Variants in KIF13A observed in about 807,000 individuals in gnomAD.
KIF13A encodes the protein kinesin-like protein KIF13A.
In KIF13A, 79 loss-of-function variants were observed where a neutral mutation model predicts 212.2. The ratio of observed to expected loss-of-function variants is 0.37; its 90% CI spans 0.31 to 0.45. The LOEUF is 0.45. Ranked by LOEUF, KIF13A falls within the 20% of genes least tolerant of loss-of-function variation. KIF13A has a pLI of 1.00. For missense variants in KIF13A, 1,901 were observed against 2,209.0 expected (o/e 0.86, Z 2.79); for synonymous variants, 789 against 808.6 (o/e 0.98, Z 0.41).
In KIF13A at chr6:17,809,862, C is replaced by G. The variant is rs1344826385; in HGVS notation, c.2001-932G>C. Among the ~76,000 whole-genome samples, 1 of 152,190 alleles carries G rather than the reference C, an allele frequency of 6.6e-6. No homozygotes were observed. The highest frequency in any genetic ancestry group is 1.9e-4 in the East Asian group (1 of 5,194). ...TCAAAGCACCTAAATCTCTACTCCT[C>G]ACTCGTCACCTTAGAAATGACAGAA... On this transcript the variant is annotated intron_variant, in intron 17 of 38. Transcript: ENST00000259711. This position sits in a 1 kb window ranked among gnomAD's most constrained non-coding sequence, Gnocchi z 4.7.
chr6:17,848,558 C>CTTTTTTT (rs66477046), intron 9 of KIF13A, among the ~76,000 whole-genome samples: 4 of 68,856 alleles, frequency 5.8e-5, no homozygotes, highest in African/African-American at 1.1e-4. Flanking sequence ...ACTCGTACAT[C>CTTTTTTT]TTTTTTTTTT....
chr6:17,908,184 C>T (rs1324331594), intron 2 of KIF13A, among the ~76,000 whole-genome samples: 1 of 152,214 alleles, frequency 6.6e-6, no homozygotes, highest in Non-Finnish European at 1.5e-5. Context: ...GACTGCCCCA[C>T]AGTGTGAAGG....
intron 16 of KIF13A, among the ~76,000 whole-genome samples, chr6:17,821,303 T>C (rs920454087): frequency 2.0e-5 from 3 of 152,204 alleles, no homozygotes; most frequent in Non-Finnish European, 2.9e-5. Flanking sequence ...TTCAAATGAA[T>C]TGGATTTTAG....
intron 2 of KIF13A, among the ~76,000 whole-genome samples, chr6:17,943,121 G>T (rs891474113): frequency 1.3e-5 from 2 of 152,098 alleles, no homozygotes; most frequent in Non-Finnish European, 2.9e-5. Context: ...GCAATCTTTA[G>T]ACTGACACAA....
rs1228838176 is a variant in KIF13A at position 17,825,827 on chromosome 6, G to A, written c.1727C>T (p.Pro576Leu). ...LDAASEASSE[P>L]DYNYEFAQME... The stretch of plus-strand genomic sequence containing the variant: ...CTGTGCAAATTCATAGTTATAGTCT[G>A]GTTCAGAGGAAGCCTCACTGGCTGC... Residue 576 changes from proline to leucine, a missense_variant, in exon 16 of 39, where the codon CCA (proline) becomes CTA (leucine). This residue lies in a region of KIF13A where 534 missense variants were observed against 536.9 expected (regional missense o/e 0.99). Transcript: ENST00000259711. The surrounding 1 kb of genome is among the most constrained non-coding windows in gnomAD (Gnocchi z 4.5). 6.2e-7 allele frequency: 1 copy of A among 1,613,972 alleles called. No individual in the cohort carries two copies.
chr6:17,964,602 G>A (rs1779132994), intron 2 of KIF13A, among the ~76,000 whole-genome samples: 1 of 152,052 alleles, frequency 6.6e-6, no homozygotes, highest in Admixed American at 6.6e-5. Context: ...AAGTGTAGGT[G>A]GAATCCTATC....
rs989697664 is a variant in KIF13A, at chr6:17,829,014, C to G, written c.1402-644G>C. Among the ~76,000 whole-genome samples the G allele has an allele frequency of 6.6e-6, 1 of 150,798 alleles. No individual in the cohort carries two copies. The highest frequency in any genetic ancestry group is 2.4e-5 in the African/African-American group (1 of 41,002). ...CCAGGCTGGAGTGCAGTGGTGCAAT[C>G]TCAGCTCATTGCAACCTCTGCCTCC... On this transcript the variant is annotated intron_variant, in intron 13 of 38. Coordinates refer to ENST00000259711, the MANE Select transcript of KIF13A (RefSeq NM_022113.6). This position sits in a 1 kb window ranked among gnomAD's most constrained non-coding sequence, Gnocchi z 5.4.
chr6:17,920,363 T>A (rs1774949216), intron 2 of KIF13A, among the ~76,000 whole-genome samples: 1 of 152,206 alleles, frequency 6.6e-6, no homozygotes, highest in African/African-American at 2.4e-5. Flanking sequence ...TTTTTTCTTT[T>A]ACAATCATCA....
Position 17,987,240 on chromosome 6 carries a change from G to C in KIF13A, c.56-96C>G. 9.1e-7 allele frequency: 1 copy of C among 1,100,134 alleles called. No individual in the cohort carries two copies. The highest frequency in any genetic ancestry group is 1.2e-6 in the Non-Finnish European group (1 of 809,282). The allele number at this position is 1,100,134 out of a possible 1,614,324, so 68.1% of individuals were successfully genotyped here. A position where few individuals can be genotyped will look rare whatever the true frequency, so the allele number is the denominator to read the frequency against. ...CGCCGAGCGGGGCTCCGTCCCTGGA[G>C]GCGGCCGAGCCTGGAGACGGCGCCC... On this transcript the variant is annotated intron_variant, in intron 1 of 38. Transcript: ENST00000259711. The surrounding 1 kb of genome is among the most constrained non-coding windows in gnomAD (Gnocchi z 7.7).
chr6:17,819,353 A>G (rs1419392839), intron 16 of KIF13A, among the ~76,000 whole-genome samples: 1 of 152,152 alleles, frequency 6.6e-6, no homozygotes, highest in African/African-American at 2.4e-5. Flanking sequence ...ACTTGAGGTC[A>G]GGAGTTCAAG....
chr6:17,898,156 A>T lies in KIF13A; in HGVS notation c.159+12T>A. 6.2e-7 allele frequency: 1 copy of T among 1,612,852 alleles called. No individual in the cohort carries two copies. Among genetic ancestry groups the T allele is most frequent in the Non-Finnish European group, 8.5e-7 (1 of 1,179,248 alleles). On this transcript the variant is annotated intron_variant, in intron 3 of 38. Coordinates refer to ENST00000259711, the MANE Select transcript of KIF13A (RefSeq NM_022113.6). This position sits in a 1 kb window ranked among gnomAD's most constrained non-coding sequence, Gnocchi z 5.2. ...AGCCAGTATACATGCCAAATTTCAT[A>T]TTAGTGCTTACCTTGGGAGGTTTCC...
Position 17,982,855 on chromosome 6 carries a change from T to C in KIF13A, c.146+4199A>G, listed in dbSNP as rs1781207137. Among the ~76,000 whole-genome samples, 1 of 152,048 alleles carries C rather than the reference T, an allele frequency of 6.6e-6. No homozygotes were observed. The highest frequency in any genetic ancestry group is 1.5e-5 in the Non-Finnish European group (1 of 67,996). ...CTGAATGTAAAAAAGAATGAGTAAG[T>C]CTTAATATGCTGATATTGAAAGATA... On this transcript the variant is annotated intron_variant, in intron 2 of 38. Coordinates refer to ENST00000259711, the MANE Select transcript of KIF13A (RefSeq NM_022113.6). The surrounding 1 kb of genome is among the most constrained non-coding windows in gnomAD (Gnocchi z 5.1).
intron 2 of KIF13A, among the ~76,000 whole-genome samples, chr6:17,950,147 C>T (rs1394047322): frequency 6.6e-6 from 1 of 152,092 alleles, no homozygotes; most frequent in Non-Finnish European, 1.5e-5. Flanking sequence ...TAACTTAATC[C>T]ATGTTATTTT....
In KIF13A at chr6:17,837,605, T is replaced by C. The variant is rs373921887; in HGVS notation, c.831-22A>G. 23 of 1,461,004 alleles carry C rather than the reference T, an allele frequency of 1.6e-5. No homozygotes were observed. The highest frequency in any genetic ancestry group is 2.0e-5 in the Non-Finnish European group (21 of 1,058,438). 90.5% of individuals were successfully genotyped at this position (1,461,004 alleles called of 1,614,324 possible). The stretch of plus-strand genomic sequence containing the variant: ...CGATCTGTCAAGAAAAAATGAAAAA[T>C]TAGTTTTATGGAATGTTTATTTGGT... On this transcript the variant is annotated intron_variant, in intron 9 of 38. Transcript: ENST00000259711. The surrounding 1 kb of genome is among the most constrained non-coding windows in gnomAD (Gnocchi z 5.4).
chr6:17,837,057 T>C lies in KIF13A; in HGVS notation c.976A>G (p.Ile326Val), dbSNP rs1766030427. 1 of 1,613,872 alleles carries C rather than the reference T, an allele frequency of 6.2e-7. No homozygotes were observed. The highest frequency in any genetic ancestry group is 8.5e-7 in the Non-Finnish European group (1 of 1,179,888). Residue 326 changes from isoleucine (I) to valine (V), a missense_variant, in exon 11 of 39, where the codon ATA (isoleucine) becomes GTA (valine). By Grantham distance (29) the Ile-to-Val change is conservative. Transcript: ENST00000259711. This position sits in a 1 kb window ranked among gnomAD's most constrained non-coding sequence, Gnocchi z 5.4. The part of the protein sequence containing the change: ...NLGGNSQTSM[I>V]ATISPAADNY... Reference sequence around the variant, plus strand: ...TCTGCGGCTGGGCTGATTGTGGCTATCATAGAGGTTTGGCTGTTGCCCCCC... The same window carrying C: ...TCTGCGGCTGGGCTGATTGTGGCTACCATAGAGGTTTGGCTGTTGCCCCCC...
chr6:17,796,052 CA>C (rs1305874242), intron 23 of KIF13A, among the ~76,000 whole-genome samples: 3 of 152,126 alleles, frequency 2.0e-5, no homozygotes, highest in South Asian at 4.1e-4. Context: ...TATCATTCCC[CA>C]TTGAATTTCT....
intron 3 of KIF13A, among the ~76,000 whole-genome samples, chr6:17,873,869 G>C (rs574580292): frequency 1.3e-5 from 2 of 152,264 alleles, no homozygotes; most frequent in East Asian, 3.9e-4. Context: ...TGGGATTATA[G>C]GTGTGAGCCA....
chr6:17,835,089 G>C (rs1340949528), intron 11 of KIF13A, among the ~76,000 whole-genome samples: 1 of 151,566 alleles, frequency 6.6e-6, no homozygotes, highest in African/African-American at 2.4e-5. Context: ...GGGAGGCTGA[G>C]GCAAAAGAAT....
intron 6 of KIF13A, among the ~76,000 whole-genome samples, chr6:17,853,346 C>T (rs915862951): frequency 1.3e-5 from 2 of 152,120 alleles, no homozygotes; most frequent in African/African-American, 4.8e-5. Context: ...AGCATTATAC[C>T]AAGTGCCTGT....
Sources: allele counts gnomAD v4.1 joint callset (sites outside exome capture counted in the v4.1 genomes callset), GRCh38; gene constraint gnomAD v4.1.1; regional missense constraint gnomAD v4.1.1; non-coding constraint Gnocchi (gnomAD v3.1); transcripts MANE v1.5; gene names NCBI Gene and HGNC (gene_info 2026-07-23, HGNC 2026-07-21).